VTI1A: variants seen among roughly 807,000 people sequenced by gnomAD.
VTI1A encodes vesicle transport through interaction with t-SNAREs homolog 1A.
VTI1A carries 22 observed loss-of-function variants against 34.9 expected under a neutral mutation model. The ratio of observed to expected loss-of-function variants is 0.63; its 90% confidence interval spans 0.45 to 0.90. The LOEUF (loss-of-function observed/expected upper bound fraction) is 0.90. Among genes scored for constraint, VTI1A ranks in the 40% least tolerant of loss-of-function variants. The pLI is 0.00. For synonymous variants in VTI1A, 87 were observed against 97.3 expected (o/e 0.89, Z 0.62); for missense variants, 268 against 275.6 (o/e 0.97, Z 0.20).
chr10:112,538,463 A>G (rs966051077), intron 5 of VTI1A, 133 bp downstream of exon 5: 11 of 756,434 alleles, frequency 1.5e-5, no homozygotes, highest in Non-Finnish European at 2.2e-5. Flanking sequence ...TGGGGAGACA[A>G]TTGGGAGCTT....
At chr10:112,557,920 C>T (rs1851591158) in intron 5 of VTI1A, among the ~76,000 whole-genome samples, 1 of 152,122 alleles carries the variant, frequency 6.6e-6, no homozygotes, top group Non-Finnish European at 1.5e-5. Flanking sequence ...TTGAATTTAA[C>T]CTTTACATAG....
At chr10:112,764,331 A>G (rs1366456560) in intron 7 of VTI1A, among the ~76,000 whole-genome samples, 2 of 152,168 alleles carry the variant, frequency 1.3e-5, no homozygotes, top group East Asian at 3.8e-4. Context: ...GTGGAAATGG[A>G]GGAGACTTGC....
chr10:112,487,689 G>A (rs1321139622), intron 3 of VTI1A, among the ~76,000 whole-genome samples: 1 of 151,994 alleles, frequency 6.6e-6, no homozygotes, highest in Non-Finnish European at 1.5e-5. Context: ...GTAACCTATG[G>A]CCTTCTGTAT....
intron 5 of VTI1A, among the ~76,000 whole-genome samples, chr10:112,592,754 C>G (rs1317227708): frequency 6.6e-6 from 1 of 152,166 alleles, no homozygotes; most frequent in Non-Finnish European, 1.5e-5. Context: ...ACACAATCAG[C>G]AAATTATGAG....
the VTI1A span, among the ~76,000 whole-genome samples, chr10:112,848,770 GC>G: frequency 6.6e-6 from 1 of 152,158 alleles, no homozygotes; most frequent in African/African-American, 2.4e-5. Flanking sequence ...TACATACGGA[GC>G]CCAGAGACTG....
intron 7 of VTI1A, among the ~76,000 whole-genome samples, chr10:112,732,475 G>T (rs1850301184): frequency 6.6e-6 from 1 of 152,168 alleles, no homozygotes; most frequent in Non-Finnish European, 1.5e-5. Flanking sequence ...ATGGACAAGG[G>T]TTTAATTACT....
At chr10:112,800,208 T>C (rs751715825) in intron 7 of VTI1A, among the ~76,000 whole-genome samples, 2 of 152,152 alleles carry the variant, frequency 1.3e-5, no homozygotes, top group Non-Finnish European at 2.9e-5. Flanking sequence ...AGGAGAGGCA[T>C]CTTGGCCGTC....
chr10:112,558,002 C>T (rs1851593816), intron 5 of VTI1A, among the ~76,000 whole-genome samples: 1 of 152,158 alleles, frequency 6.6e-6, no homozygotes, highest in South Asian at 2.1e-4. Flanking sequence ...GAAAGGGCTT[C>T]CTACAAGTAA....
chr10:112,545,860 T>G (rs922884197), intron 5 of VTI1A, among the ~76,000 whole-genome samples: 2 of 152,018 alleles, frequency 1.3e-5, no homozygotes, highest in African/African-American at 2.4e-5. Flanking sequence ...TGTGGCTGTG[T>G]GTGTGTATTT....
rs139078781 is a variant in VTI1A, at chr10:112,753,188, T to C, written c.561-62102T>C. On this transcript the variant is annotated intron_variant, in intron 7 of 7. Transcript: ENST00000393077. ...TTTGCGATGTTATCAGCTATTAGAC[T>C]CAACAACTTATTTTTGAAAAAATAA... 5.9e-3 allele frequency among the ~76,000 whole-genome samples: 896 copies of C among 152,026 alleles called. 10 individuals are homozygous for C. Among genetic ancestry groups the C allele is most frequent in the African/African-American group, 0.02 (842 of 41,498 alleles).
At chr10:112,731,070 T>C (rs1409490097) in intron 7 of VTI1A, among the ~76,000 whole-genome samples, 1 of 152,182 alleles carries the variant, frequency 6.6e-6, no homozygotes, top group African/African-American at 2.4e-5. Context: ...TTTGTTGCAT[T>C]CTGGGTCTGT....
intron 1 of VTI1A, among the ~76,000 whole-genome samples, chr10:112,459,776 C>T (rs1847668947): frequency 1.3e-5 from 2 of 152,086 alleles, no homozygotes; most frequent in Admixed American, 1.3e-4. Flanking sequence ...CATGTCTCTC[C>T]TAGAGAAGGG....
intron 7 of VTI1A, among the ~76,000 whole-genome samples, chr10:112,722,271 A>G (rs1346880914): frequency 6.6e-6 from 1 of 152,184 alleles, no homozygotes; most frequent in Admixed American, 6.5e-5. Flanking sequence ...CAGAAAACCA[A>G]ACACCACATG....
intron 3 of VTI1A, among the ~76,000 whole-genome samples, chr10:112,494,973 C>G (rs1009263833): frequency 1.3e-5 from 2 of 152,076 alleles, no homozygotes; most frequent in African/African-American, 4.8e-5. Flanking sequence ...GCTTGGGAAG[C>G]TAAGAATCGG....
intron 5 of VTI1A, among the ~76,000 whole-genome samples, chr10:112,583,961 T>A (rs11196004): frequency 0.53 from 79,819 of 152,012 alleles, 21,538 homozygotes; most frequent in African/African-American, 0.61. Context: ...ATACCCAAAG[T>A]TGCCTTGTCA....
chr10:112,552,631 C>G (rs756898057), intron 5 of VTI1A, among the ~76,000 whole-genome samples: 1 of 151,760 alleles, frequency 6.6e-6, no homozygotes, highest in Non-Finnish European at 1.5e-5. Context: ...ACCATTGACT[C>G]TAAAAGGTAA....
intron 5 of VTI1A, among the ~76,000 whole-genome samples, chr10:112,572,608 G>C (rs559757163): frequency 1.3e-5 from 2 of 152,268 alleles, no homozygotes; most frequent in South Asian, 2.1e-4. Context: ...GGAGGCTGAG[G>C]CGGGCGGATC....
chr10:112,682,590 T>G (rs568617316), intron 7 of VTI1A, among the ~76,000 whole-genome samples: 19 of 152,188 alleles, frequency 1.2e-4, no homozygotes, highest in Non-Finnish European at 2.2e-4. Flanking sequence ...GATGAAAAAT[T>G]ATTTACCTCC....
intron 7 of VTI1A, among the ~76,000 whole-genome samples, chr10:112,759,752 C>T (rs928675639): frequency 2.0e-5 from 3 of 152,188 alleles, no homozygotes; most frequent in Non-Finnish European, 4.4e-5. Flanking sequence ...CCCACCTGCC[C>T]TTCCCCAGCC....
Sources: allele counts gnomAD v4.1 joint callset (sites outside exome capture counted in the v4.1 genomes callset), GRCh38; gene constraint gnomAD v4.1.1; transcripts MANE v1.5; gene names NCBI Gene and HGNC (gene_info 2026-07-23, HGNC 2026-07-21).